Variants in CNTN6 observed in about 807,000 individuals in gnomAD.
The protein encoded by CNTN6 is contactin 6, also known as contactin-6.
Under a neutral mutation model 122.8 loss-of-function variants are expected in CNTN6, and 137 were observed. That is an observed-to-expected ratio of 1.12 (90% CI 0.97 to 1.29). The LOEUF (loss-of-function observed/expected upper bound fraction) is 1.29. Among genes scored for constraint, CNTN6 ranks in the 50% most tolerant of loss-of-function variants. The pLI, the probability that CNTN6 is intolerant of heterozygous loss-of-function variation, is 0.00. For missense variants in CNTN6, 1,634 were observed against 1,223.4 expected (o/e 1.34, Z -5.01); for synonymous variants, 570 against 426.0 (o/e 1.34, Z -4.16).
chr3:1,359,150 A>G (rs547093852), intron 12 of CNTN6, among the ~76,000 whole-genome samples: 13 of 152,204 alleles, frequency 8.5e-5, no homozygotes, highest in Admixed American at 2.6e-4. Flanking sequence ...AATGAACACT[A>G]TCTATTTATA....
At chr3:1,183,308 A>G (rs965347314) in intron 2 of CNTN6, among the ~76,000 whole-genome samples, 1 of 152,160 alleles carries the variant, frequency 6.6e-6, no homozygotes, top group Non-Finnish European at 1.5e-5. Flanking sequence ...ATGGCACTCA[A>G]AGACTTACTA....
chr3:1,154,891 T>C (rs774279299), intron 2 of CNTN6, among the ~76,000 whole-genome samples: 25 of 152,232 alleles, frequency 1.6e-4, no homozygotes, highest in Non-Finnish European at 3.2e-4. Context: ...CCTTTGCTCA[T>C]TGCATTAGAG....
intron 1 of CNTN6, among the ~76,000 whole-genome samples, chr3:1,129,427 C>T (rs6779873): frequency 0.39 from 59,303 of 151,774 alleles, 11,868 homozygotes; most frequent in East Asian, 0.46. Context: ...GAAATTGTAC[C>T]GTCTTCATGC....
intron 2 of CNTN6, among the ~76,000 whole-genome samples, chr3:1,219,610 C>T (rs553180741): frequency 2.6e-5 from 4 of 152,162 alleles, no homozygotes; most frequent in Non-Finnish European, 5.9e-5. Context: ...TCAGACAAGC[C>T]CAAATGAGGT....
chr3:1,277,462 C>G (rs1324570269), intron 4 of CNTN6, among the ~76,000 whole-genome samples: 17 of 142,680 alleles, frequency 1.2e-4, no homozygotes, highest in Non-Finnish European at 1.5e-5. Flanking sequence ...TGGGTTCAAG[C>G]AATTCTCATG....
At chr3:1,133,628 G>A (rs2092395880) in intron 1 of CNTN6, among the ~76,000 whole-genome samples, 1 of 151,088 alleles carries the variant, frequency 6.6e-6, no homozygotes, top group Admixed American at 6.6e-5. Context: ...CATGGAGCCA[G>A]TCAGTGACTT....
In CNTN6 at chr3:1,166,139, G is replaced by A. The variant is rs116251686; in HGVS notation, c.55+18076G>A. ...CAGGGGCAGCTCATTGGCATCAACTGTTCTAAGTACTGGCTAAACAAGAGA... is the reference window on the plus strand; with the variant it reads ...CAGGGGCAGCTCATTGGCATCAACTATTCTAAGTACTGGCTAAACAAGAGA... On this transcript the variant is annotated intron_variant, in intron 2 of 22. Coordinates refer to ENST00000446702, the MANE Select transcript of CNTN6 (RefSeq NM_001289080.2). Among the ~76,000 whole-genome samples, 1,273 of 152,318 alleles carry A rather than the reference G, an allele frequency of 8.4e-3. 22 individuals are homozygous for A. Among genetic ancestry groups the A allele is most frequent in the African/African-American group, 0.028 (1,164 of 41,560 alleles).
At chr3:1,200,191 G>A (rs2093841946) in intron 2 of CNTN6, among the ~76,000 whole-genome samples, 1 of 152,088 alleles carries the variant, frequency 6.6e-6, no homozygotes, top group Non-Finnish European at 1.5e-5. Flanking sequence ...GTGCCACCAC[G>A]CCTGGCTAAT....
At chr3:1,291,875 C>G (rs187586492) in intron 5 of CNTN6, among the ~76,000 whole-genome samples, 1 of 152,068 alleles carries the variant, frequency 6.6e-6, no homozygotes, top group Non-Finnish European at 1.5e-5. Flanking sequence ...GAGAACAGCA[C>G]GAGCATCTCA....
At chr3:1,315,880 T>G (rs2125943090) in intron 7 of CNTN6, among the ~76,000 whole-genome samples, 1 of 152,028 alleles carries the variant, frequency 6.6e-6, no homozygotes, top group South Asian at 2.1e-4. Flanking sequence ...CTCATGCTTG[T>G]GTAGCCGTTT....
intron 2 of CNTN6, among the ~76,000 whole-genome samples, chr3:1,210,570 A>C (rs1274522523): frequency 6.6e-6 from 1 of 152,178 alleles, no homozygotes; most frequent in Non-Finnish European, 1.5e-5. Flanking sequence ...AAATAAAGCC[A>C]GGGAGGGTAG....
chr3:1,350,738 G>A (rs1458578708), intron 11 of CNTN6, among the ~76,000 whole-genome samples: 1 of 151,760 alleles, frequency 6.6e-6, no homozygotes, highest in South Asian at 2.1e-4. Flanking sequence ...GATATCAGCA[G>A]ACCTATCATT....
At chr3:1,145,103 T>C (rs1559393486) in intron 1 of CNTN6, among the ~76,000 whole-genome samples, 1 of 152,102 alleles carries the variant, frequency 6.6e-6, no homozygotes, top group Non-Finnish European at 1.5e-5. Flanking sequence ...GGTTGAGTCT[T>C]AGCAAACTGT....
At chr3:1,328,632 A>T (rs1701856618) in intron 10 of CNTN6, among the ~76,000 whole-genome samples, 1 of 151,864 alleles carries the variant, frequency 6.6e-6, no homozygotes, top group African/African-American at 2.4e-5. Flanking sequence ...ATCGTTGCAC[A>T]TGACAAGTTG....
intron 2 of CNTN6, among the ~76,000 whole-genome samples, chr3:1,208,145 C>G (rs565390474): frequency 6.6e-6 from 1 of 152,092 alleles, no homozygotes; most frequent in Non-Finnish European, 1.5e-5. Flanking sequence ...TATCCTTCCT[C>G]CCGTGAGTCA....
chr3:1,301,223 G>A (rs929967069), intron 7 of CNTN6, among the ~76,000 whole-genome samples: 17 of 151,828 alleles, frequency 1.1e-4, no homozygotes, highest in Non-Finnish European at 2.9e-5. Flanking sequence ...TTATAGTAGA[G>A]GCGGAGTTTC....
At chr3:1,329,724 C>G in intron 10 of CNTN6, 61 bp from the exon 11 acceptor site, 1 of 1,422,242 alleles carries the variant, frequency 7.0e-7, no homozygotes, top group Non-Finnish European at 9.7e-7. Flanking sequence ...GCAAGTCACC[C>G]CTGGAGTCAC....
At chr3:1,331,516 C>T (rs1354933236) in intron 11 of CNTN6, among the ~76,000 whole-genome samples, 1 of 151,898 alleles carries the variant, frequency 6.6e-6, no homozygotes, top group Non-Finnish European at 1.5e-5. Context: ...GTGTGCATTG[C>T]CTAGGAGATT....
intron 2 of CNTN6, among the ~76,000 whole-genome samples, chr3:1,217,694 T>C (rs2094147115): frequency 6.6e-6 from 1 of 152,160 alleles, no homozygotes; most frequent in Non-Finnish European, 1.5e-5. Flanking sequence ...TGTGAGAGGA[T>C]AGTGAAATCT....
Sources: allele counts gnomAD v4.1 joint callset (sites outside exome capture counted in the v4.1 genomes callset), GRCh38; gene constraint gnomAD v4.1.1; transcripts MANE v1.5; gene names NCBI Gene and HGNC (gene_info 2026-07-23, HGNC 2026-07-21).